Variants in TP53BP1 observed in about 807,000 individuals in gnomAD.
TP53BP1 encodes tumor protein p53 binding protein 1, also known as TP53-binding protein 1.
In TP53BP1, 61 loss-of-function variants were observed where a neutral mutation model predicts 200.8. That is an observed-to-expected ratio of 0.30 (90% CI 0.25 to 0.38). The LOEUF is 0.38. Ranked by LOEUF, TP53BP1 falls within the 10% of genes least tolerant of loss-of-function variation. The pLI, the probability that TP53BP1 is intolerant of heterozygous loss-of-function variation, is 1.00. For missense variants in TP53BP1, 2,144 were observed against 2,371.9 expected, an observed-to-expected ratio of 0.90 and a Z score of 2.00; for synonymous variants, 822 against 844.3, an observed-to-expected ratio of 0.97 and a Z score of 0.46.
At chr15:43,479,666 A>ATCCCTGT in intron 6 of TP53BP1, 140 bp from the exon 7 acceptor site, 1 of 1,175,344 alleles carries the variant, frequency 8.5e-7, no homozygotes, top group South Asian at 1.6e-5. Flanking sequence ...TATAAAGGAA[A>ATCCCTGT]GTAACCAATA....
At position 43,420,555 on chromosome 15, in the gene TP53BP1, G is replaced by T; in HGVS notation, c.4431C>A (p.Gly1477=). The T allele has an allele frequency of 1.9e-6, 3 of 1,614,186 alleles. No homozygotes were observed. The highest frequency in any genetic ancestry group is 2.5e-6 in the Non-Finnish European group (3 of 1,180,038). ...AGGAGGCATCTAAGCCATCAGAAGG[G>T]CCAGCAGCAGCCTGGAAAGGAATTT... The part of the protein sequence containing the change: ...SPEIPFQAAA[G]PSDGLDASSP... Residue 1477 remains glycine (G), a synonymous_variant, in exon 21 of 28, where the codon GGC becomes GGA. Transcript: ENST00000382044.
At chr15:43,482,769 A>G (rs189787186) in intron 4 of TP53BP1, among the ~76,000 whole-genome samples, 2 of 150,420 alleles carry the variant, frequency 1.3e-5, no homozygotes, top group East Asian at 3.9e-4. Context: ...CTCCGTCTCA[A>G]AAAAAAAAAA....
At chr15:43,487,153 A>G (rs1340878812) in intron 4 of TP53BP1, among the ~76,000 whole-genome samples, 3 of 152,128 alleles carry the variant, frequency 2.0e-5, no homozygotes, top group Non-Finnish European at 2.9e-5. Context: ...AAAATGGACA[A>G]AAGATATGAA....
chr15:43,455,845 A>G, intron 12 of TP53BP1, 47 bp downstream of exon 12: 1 of 1,601,182 alleles, frequency 6.2e-7, no homozygotes, highest in Non-Finnish European at 8.5e-7. Context: ...TTTCCATTCC[A>G]GATTATAATT....
At position 43,432,233 on chromosome 15, in the gene TP53BP1, G is replaced by A. The variant is rs769975829; in HGVS notation, c.3636C>T (p.Val1212=). ...ACTCTGTATCATCCCCAGGAGCACTGACTGGTTTCTCACCACTCCCCCTCT... is the reference window on the plus strand; with the variant it reads ...ACTCTGTATCATCCCCAGGAGCACTAACTGGTTTCTCACCACTCCCCCTCT... ...QTERGSGEKP[V]SAPGDDTESL... Residue 1212 remains valine, a synonymous_variant, in exon 17 of 28, where the codon GTC becomes GTT. Transcript: ENST00000382044. The A allele has an allele frequency of 1.2e-6, 2 of 1,614,116 alleles. No individual in the cohort carries two copies. The highest frequency in any genetic ancestry group is 1.7e-6 in the Non-Finnish European group (2 of 1,180,006).
At chr15:43,473,127 G>A (rs986003095) in intron 10 of TP53BP1, among the ~76,000 whole-genome samples, 2 of 152,198 alleles carry the variant, frequency 1.3e-5, no homozygotes, top group Admixed American at 1.3e-4. Flanking sequence ...GGCTTTAGGA[G>A]TGAAGCTACA....
chr15:43,479,629 A>G (rs1436527865), intron 6 of TP53BP1, 103 bp from the exon 7 acceptor site: 2 of 1,321,102 alleles, frequency 1.5e-6, no homozygotes, highest in Admixed American at 2.4e-5. Context: ...ACAGAAGTCC[A>G]ATTTAAAATA....
intron 11 of TP53BP1, among the ~76,000 whole-genome samples, chr15:43,469,462 T>TG (rs1229804254): frequency 6.6e-6 from 1 of 151,968 alleles, no homozygotes; most frequent in Non-Finnish European, 1.5e-5. Context: ...CATAAGCATG[T>TG]GGGGGCACAT....
rs1031969359 is a variant in TP53BP1, at chr15:43,500,152, T to G, written c.-8-7684A>C. 4.6e-5 allele frequency among the ~76,000 whole-genome samples: 7 copies of G among 152,222 alleles called. No homozygotes were observed. In the South Asian group the frequency reaches 6.2e-4, roughly 13 times the overall value. The stretch of plus-strand genomic sequence containing the variant: ...GTATCTAACTGCCTATTCAATATCT[T>G]CATTTTGATGTCCAATTGACATCTC... On this transcript the variant is annotated intron_variant, in intron 1 of 27. Transcript: ENST00000263801.
At chr15:43,486,031 G>A (rs939463031) in intron 4 of TP53BP1, among the ~76,000 whole-genome samples, 3 of 151,972 alleles carry the variant, frequency 2.0e-5, no homozygotes, top group African/African-American at 4.8e-5. Flanking sequence ...AACGGAGCCA[G>A]AAGAATTAAA....
At chr15:43,443,917 G>T (rs990709604) in intron 14 of TP53BP1, among the ~76,000 whole-genome samples, 1 of 152,132 alleles carries the variant, frequency 6.6e-6, no homozygotes, top group Non-Finnish European at 1.5e-5. Flanking sequence ...AATCTAAACA[G>T]TCCATCAGGG....
chr15:43,469,749 C>T, intron 11 of TP53BP1, 109 bp downstream of exon 11: 2 of 960,290 alleles, frequency 2.1e-6, no homozygotes, highest in African/African-American at 1.7e-5. Flanking sequence ...TAAAATATCA[C>T]AAAATTATAC....
chr15:43,453,640 C>T (rs899417465), intron 12 of TP53BP1, among the ~76,000 whole-genome samples: 1 of 150,268 alleles, frequency 6.7e-6, no homozygotes, highest in African/African-American at 2.5e-5. Context: ...TGCAGTGATA[C>T]AATCTCGGCT....
intron 5 of TP53BP1, among the ~76,000 whole-genome samples, chr15:43,480,332 T>C (rs1049354273): frequency 1.3e-5 from 2 of 151,946 alleles, no homozygotes; most frequent in Non-Finnish European, 2.9e-5. Flanking sequence ...CATGTAATCC[T>C]GGCTACTCGG....
chr15:43,483,622 T>C (rs1595617678), intron 4 of TP53BP1, among the ~76,000 whole-genome samples: 1 of 152,176 alleles, frequency 6.6e-6, no homozygotes, highest in Non-Finnish European at 1.5e-5. Flanking sequence ...TTTGCAAAGT[T>C]GGGAACCGTG....
intron 15 of TP53BP1, among the ~76,000 whole-genome samples, chr15:43,439,188 A>G (rs2045871913): frequency 6.6e-6 from 1 of 152,146 alleles, no homozygotes; most frequent in South Asian, 2.1e-4. Flanking sequence ...AAAATGATTG[A>G]GAAATAAGGT....
chr15:43,463,544 T>C (rs1180123967), intron 11 of TP53BP1, among the ~76,000 whole-genome samples: 1 of 152,176 alleles, frequency 6.6e-6, no homozygotes, highest in Non-Finnish European at 1.5e-5. Context: ...TATACACATA[T>C]TCAGAGTTTT....
chr15:43,422,166 T>C, intron 18 of TP53BP1, 40 bp from the exon 19 acceptor site: 6 of 1,594,622 alleles, frequency 3.8e-6, no homozygotes, highest in Non-Finnish European at 5.1e-6. Context: ...AAAGATGCCA[T>C]AATAACACAA....
intron 1 of TP53BP1, among the ~76,000 whole-genome samples, chr15:43,505,569 A>C (rs561877734): frequency 6.6e-6 from 1 of 152,166 alleles, no homozygotes; most frequent in Non-Finnish European, 1.5e-5. Context: ...AAATTTCTTC[A>C]TTGTCCTTTG....
Sources: allele counts gnomAD v4.1 joint callset (sites outside exome capture counted in the v4.1 genomes callset), GRCh38; gene constraint gnomAD v4.1.1; transcripts MANE v1.5; gene names NCBI Gene and HGNC (gene_info 2026-07-23, HGNC 2026-07-21).